CUBN: variants seen among roughly 807,000 people sequenced by gnomAD.
CUBN encodes cubilin.
In CUBN, 282 loss-of-function variants were observed where a neutral mutation model predicts 405.3. The ratio of observed to expected loss-of-function variants is 0.70; its 90% CI spans 0.63 to 0.77. CUBN has a LOEUF of 0.77. CUBN is among the 30% of genes least tolerant of loss of function. CUBN has a pLI of 0.00. For synonymous variants in CUBN, 1,684 were observed against 1,617.0 expected (o/e 1.04, Z -0.99); for missense variants, 4,514 against 4,475.2 (o/e 1.01, Z -0.25).
chr10:16,991,658 A>C (rs1283395330), intron 28 of CUBN, among the ~76,000 whole-genome samples: 1 of 97,870 alleles, frequency 1.0e-5, no homozygotes, highest in African/African-American at 3.5e-5. Context: ...AATATTCTTT[A>C]TTGGTTGGTA....
At chr10:16,913,751 T>C (rs1841798914) in intron 48 of CUBN, 60 bp downstream of exon 48, 2 of 1,594,182 alleles carry the variant, frequency 1.3e-6, no homozygotes, top group Non-Finnish European at 8.6e-7. Flanking sequence ...CTATGATTTA[T>C]GGGTCGGTAA....
intron 29 of CUBN, among the ~76,000 whole-genome samples, chr10:16,984,837 T>C (rs1833372398): frequency 6.6e-6 from 1 of 152,232 alleles, no homozygotes; most frequent in African/African-American, 2.4e-5. Context: ...AGACCACACA[T>C]TGAATATAAC....
intron 22 of CUBN, among the ~76,000 whole-genome samples, chr10:17,060,608 C>A (rs1835484615): frequency 6.6e-6 from 1 of 152,198 alleles, no homozygotes; most frequent in African/African-American, 2.4e-5. Context: ...TGAGAAAACA[C>A]TAGCCAGTAA....
rs1232482251 is a variant in CUBN at position 16,869,815 on chromosome 10, G to T, written c.9275C>A (p.Ser3092Tyr). ...DFDVVPSTSCSHDYLAIYDGA... is the reference protein window; with the variant it reads ...DFDVVPSTSCYHDYLAIYDGA... ...ATCGTAAATTGCCAGGTAGTCATGG[G>T]AGCAGGAGGTGGAGGGAACCACATC... The change falls in exon 59 of 67, where the codon TCC (serine) becomes TAC (tyrosine). Residue 3092 changes from serine (S) to tyrosine (Y), a missense_variant. This residue lies in a region of CUBN where 1,186 missense variants were observed against 1,186.9 expected (regional missense o/e 1.00). Transcript: ENST00000377833. The T allele has an allele frequency of 6.2e-7, 1 of 1,614,034 alleles. No individual in the cohort carries two copies. The highest frequency in any genetic ancestry group is 1.1e-5 in the South Asian group (1 of 91,084).
At chr10:16,932,887 G>C (rs1213752487) in intron 40 of CUBN, among the ~76,000 whole-genome samples, 200 bp downstream of exon 40, 1 of 152,130 alleles carries the variant, frequency 6.6e-6, no homozygotes, top group South Asian at 2.1e-4. Flanking sequence ...TGCTATTCCT[G>C]ATATTCTGTG....
intron 27 of CUBN, among the ~76,000 whole-genome samples, chr10:17,040,496 T>C (rs1025038572): frequency 5.9e-5 from 9 of 152,192 alleles, no homozygotes; most frequent in Non-Finnish European, 7.4e-5. Context: ...GGTTGCCTAA[T>C]ATTTAAGCAA....
chr10:16,949,939 T>C, intron 34 of CUBN, 62 bp downstream of exon 34: 2 of 1,211,392 alleles, frequency 1.7e-6, no homozygotes, highest in Non-Finnish European at 2.4e-6. Context: ...CCTATAAATA[T>C]GCGGATCTAT....
At chr10:16,995,469 C>A (rs1024140990) in intron 28 of CUBN, among the ~76,000 whole-genome samples, 1 of 152,170 alleles carries the variant, frequency 6.6e-6, no homozygotes, top group Non-Finnish European at 1.5e-5. Flanking sequence ...AATCCTTTCA[C>A]ACATGCTGTG....
intron 31 of CUBN, among the ~76,000 whole-genome samples, chr10:16,963,056 A>G (rs1178762868): frequency 6.6e-6 from 1 of 152,056 alleles, no homozygotes; most frequent in Non-Finnish European, 1.5e-5. Context: ...GCAGCCTCAT[A>G]AGGTTATTGT....
intron 54 of CUBN, 65 bp from the exon 55 acceptor site, chr10:16,890,592 G>T: frequency 6.4e-7 from 1 of 1,551,636 alleles, no homozygotes; most frequent in Admixed American, 1.7e-5. Flanking sequence ...AATGCACTTA[G>T]GTTTCAAAAT....
chr10:16,900,597 A>T, intron 53 of CUBN, 28 bp downstream of exon 53: 1 of 1,544,818 alleles, frequency 6.5e-7, no homozygotes, highest in South Asian at 1.1e-5. Context: ...CTAAAAAGAA[A>T]ATCAAATGGA....
chr10:17,070,101 T>C (rs1376532210), intron 19 of CUBN, among the ~76,000 whole-genome samples: 1 of 152,190 alleles, frequency 6.6e-6, no homozygotes, highest in African/African-American at 2.4e-5. Context: ...CATGTGGCTA[T>C]TGAGCACCAT....
Position 17,011,228 on chromosome 10 carries a change from G to A in CUBN, c.4168+8605C>T, listed in dbSNP as rs373252927. Among the ~76,000 whole-genome samples the A allele has an allele frequency of 1.2e-4, 19 of 152,264 alleles. 2 individuals are homozygous for A. Among genetic ancestry groups the A allele is most frequent in the Admixed American group, 2.6e-4 (4 of 15,298 alleles). ...TTCCTTCTGGTGGGTTCTTGGTCTC[G>A]CTGATTTCAAGAATGAAGCCACGGA... On this transcript the variant is annotated intron_variant, in intron 28 of 66. Transcript: ENST00000377833.
chr10:16,960,685 G>T (rs1206180909), intron 31 of CUBN, among the ~76,000 whole-genome samples: 2 of 152,210 alleles, frequency 1.3e-5, no homozygotes, highest in Non-Finnish European at 2.9e-5. Context: ...AAAACCCTGA[G>T]TTAAGAAACA....
At chr10:17,073,477 G>A (rs992242437) in intron 17 of CUBN, among the ~76,000 whole-genome samples, 7 of 118,882 alleles carry the variant, frequency 5.9e-5, no homozygotes, top group South Asian at 2.5e-4. Flanking sequence ...ATGGAGTTTC[G>A]CTCTTGTCAC....
chr10:17,113,121 CG>C (rs1836807949), intron 8 of CUBN, among the ~76,000 whole-genome samples: 1 of 151,884 alleles, frequency 6.6e-6, no homozygotes, highest in Non-Finnish European at 1.5e-5. Flanking sequence ...AAAAATTAGC[CG>C]GGTGTGGTGA....
At chr10:16,892,207 C>T (rs184126384) in intron 54 of CUBN, among the ~76,000 whole-genome samples, 147 of 152,196 alleles carry the variant, frequency 9.7e-4, no homozygotes, top group Middle Eastern at 3.4e-3. Context: ...ACTGGGTATC[C>T]AGCTGTTAGT....
chr10:17,057,590 A>C (rs760827242), intron 22 of CUBN, among the ~76,000 whole-genome samples: 1 of 151,990 alleles, frequency 6.6e-6, no homozygotes, highest in Non-Finnish European at 1.5e-5. Flanking sequence ...CAGAAGTTCT[A>C]CTCCTAGGTA....
intron 14 of CUBN, among the ~76,000 whole-genome samples, chr10:17,098,336 G>A (rs2102782): frequency 0.022 from 3,340 of 152,218 alleles, 276 homozygotes; most frequent in Admixed American, 0.15. Context: ...CACAAAATCA[G>A]AAACAAAGTC....
Sources: allele counts gnomAD v4.1 joint callset (sites outside exome capture counted in the v4.1 genomes callset), GRCh38; gene constraint gnomAD v4.1.1; regional missense constraint gnomAD v4.1.1; transcripts MANE v1.5; gene names NCBI Gene and HGNC (gene_info 2026-07-23, HGNC 2026-07-21).